Variants in ZBTB44 observed in about 807,000 individuals in gnomAD.
The protein encoded by ZBTB44 is zinc finger and BTB domain-containing protein 44.
ZBTB44 carries 15 observed loss-of-function variants against 54.0 expected under a neutral mutation model. The ratio of observed to expected loss-of-function variants is 0.28; its 90% confidence interval spans 0.19 to 0.43. The LOEUF is 0.43. Ranked by LOEUF, ZBTB44 falls within the 20% of genes least tolerant of loss-of-function variation. ZBTB44 has a pLI of 1.00. For missense variants in ZBTB44, 487 were observed against 707.1 expected, an observed-to-expected ratio of 0.69 and a Z score of 3.53; for synonymous variants, 230 against 250.1, an observed-to-expected ratio of 0.92 and a Z score of 0.76.
chr11:130,252,027 T>A (rs962382099), intron 2 of ZBTB44, among the ~76,000 whole-genome samples: 12 of 152,040 alleles, frequency 7.9e-5, no homozygotes, highest in Non-Finnish European at 1.2e-4. Context: ...AGGAGACCTA[T>A]CTCATGTGGG....
chr11:130,275,883 C>A (rs976530372), intron 1 of ZBTB44, among the ~76,000 whole-genome samples: 1 of 151,756 alleles, frequency 6.6e-6, no homozygotes, highest in African/African-American at 2.4e-5. Flanking sequence ...ACCTTGGCCT[C>A]CCAAAGTGCT....
At chr11:130,286,870 G>GC (rs2134323420) in intron 1 of ZBTB44, among the ~76,000 whole-genome samples, 1 of 152,270 alleles carries the variant, frequency 6.6e-6, no homozygotes, top group South Asian at 2.1e-4. Flanking sequence ...TATGTAAAGA[G>GC]CCCAGTGCCC....
intron 1 of ZBTB44, among the ~76,000 whole-genome samples, chr11:130,292,994 C>G (rs1941395442): frequency 3.3e-5 from 5 of 152,064 alleles, no homozygotes; most frequent in Non-Finnish European, 7.4e-5. Flanking sequence ...TGATATGAAC[C>G]AAGTTTTTAG....
intron 2 of ZBTB44, among the ~76,000 whole-genome samples, chr11:130,241,413 T>G (rs867509928): frequency 3.9e-5 from 6 of 152,238 alleles, no homozygotes; most frequent in Admixed American, 6.5e-5. Flanking sequence ...TACCACTGGT[T>G]TTTAAAATTA....
At chr11:130,244,523 C>A (rs982571696) in intron 2 of ZBTB44, among the ~76,000 whole-genome samples, 1 of 151,750 alleles carries the variant, frequency 6.6e-6, no homozygotes, top group African/African-American at 2.4e-5. Flanking sequence ...AAAAATTAGC[C>A]GGGCGTGGTG....
At chr11:130,277,281 G>A (rs1163470762) in intron 1 of ZBTB44, among the ~76,000 whole-genome samples, 3 of 152,092 alleles carry the variant, frequency 2.0e-5, no homozygotes, top group Non-Finnish European at 4.4e-5. Flanking sequence ...TTTTTGAGTT[G>A]TTTTTAGTAG....
chr11:130,293,942 T>C (rs965137061), intron 1 of ZBTB44, among the ~76,000 whole-genome samples: 4 of 152,224 alleles, frequency 2.6e-5, no homozygotes, highest in Non-Finnish European at 5.9e-5. Context: ...AATAAATCAA[T>C]TAAATCAGAA....
intron 2 of ZBTB44, among the ~76,000 whole-genome samples, chr11:130,253,624 C>T (rs550959661): frequency 3.4e-4 from 52 of 152,186 alleles, no homozygotes; most frequent in African/African-American, 1.3e-3. Flanking sequence ...GAATGAATAT[C>T]GTGAAAATGG....
intron 2 of ZBTB44, among the ~76,000 whole-genome samples, chr11:130,242,522 C>G (rs1305777446): frequency 7.4e-6 from 1 of 134,590 alleles, no homozygotes; most frequent in Non-Finnish European, 1.6e-5. Flanking sequence ...ATGATCAATT[C>G]TTTTTGTTTG....
At chr11:130,266,064 C>T (rs1167015439) in intron 1 of ZBTB44, among the ~76,000 whole-genome samples, 1 of 152,208 alleles carries the variant, frequency 6.6e-6, no homozygotes, top group African/African-American at 2.4e-5. Flanking sequence ...GAAGTCAATG[C>T]CTGGCTTCAA....
chr11:130,280,717 T>G (rs1940439570), intron 1 of ZBTB44, among the ~76,000 whole-genome samples: 1 of 152,242 alleles, frequency 6.6e-6, no homozygotes, highest in Admixed American at 6.5e-5. Flanking sequence ...ATCACCAAAC[T>G]TCTTTACGTT....
intron 1 of ZBTB44, among the ~76,000 whole-genome samples, chr11:130,264,893 T>C (rs866772832): frequency 1.3e-5 from 2 of 152,226 alleles, no homozygotes; most frequent in South Asian, 2.1e-4. Context: ...TTCCACCAGC[T>C]TGTGCTCACT....
intron 1 of ZBTB44, among the ~76,000 whole-genome samples, chr11:130,281,278 G>A (rs150588128): frequency 4.8e-4 from 73 of 152,234 alleles, no homozygotes; most frequent in African/African-American, 1.7e-3. Context: ...CCAGCACTTT[G>A]GGAGGCCGAG....
intron 1 of ZBTB44, chr11:130,296,280 AAG>A: frequency 6.7e-7 from 1 of 1,486,932 alleles, no homozygotes; most frequent in Non-Finnish European, 9.1e-7. Flanking sequence ...TCCTTCTGAA[AAG>A]AGATTCCTTC....
intron 1 of ZBTB44, among the ~76,000 whole-genome samples, chr11:130,264,288 G>C (rs999980500): frequency 6.6e-6 from 1 of 152,118 alleles, no homozygotes; most frequent in Admixed American, 6.5e-5. Context: ...TTTTCTTCCT[G>C]AAAGGGCCAG....
intron 1 of ZBTB44, among the ~76,000 whole-genome samples, chr11:130,302,573 A>C (rs1341244996): frequency 6.6e-6 from 1 of 152,220 alleles, no homozygotes; most frequent in Non-Finnish European, 1.5e-5. Flanking sequence ...GAAAGTAAGA[A>C]GAGCAAAGAG....
At chr11:130,276,984 T>C (rs1940151142) in intron 1 of ZBTB44, among the ~76,000 whole-genome samples, 1 of 152,220 alleles carries the variant, frequency 6.6e-6, no homozygotes. Flanking sequence ...GCTGTTTACA[T>C]GATATATTTA....
intron 2 of ZBTB44, among the ~76,000 whole-genome samples, chr11:130,243,140 T>C (rs780786621): frequency 3.6e-4 from 55 of 152,390 alleles, no homozygotes; most frequent in Middle Eastern, 3.4e-3. Flanking sequence ...ATGTTTATTT[T>C]GTTAAATACA....
In ZBTB44 at chr11:130,278,767, T is replaced by G. The variant is rs531706743; in HGVS notation, c.-56-16838A>C. ...TTTTCAATTCCAGAATTTCTAATTG[T>G]TTTTTCAATAATTTTTATATTCTTA... On this transcript the variant is annotated intron_variant, in intron 1 of 7. Coordinates refer to ENST00000357899, the MANE Select transcript of ZBTB44 (RefSeq NM_001301098.2). 1.6e-3 allele frequency among the ~76,000 whole-genome samples: 240 copies of G among 152,332 alleles called. 5 individuals are homozygous for G. The South Asian group carries it at 0.034, about 22-fold the overall frequency.
Sources: allele counts gnomAD v4.1 joint callset (sites outside exome capture counted in the v4.1 genomes callset), GRCh38; gene constraint gnomAD v4.1.1; transcripts MANE v1.5; gene names NCBI Gene and HGNC (gene_info 2026-07-23, HGNC 2026-07-21).